The following SCIN variants were observed in gnomAD, a reference collection of about 807,000 sequenced individuals.
The protein encoded by SCIN is adseverin.
In SCIN, 91 loss-of-function variants were observed where a neutral mutation model predicts 91.8. The observed-to-expected ratio is 0.99, with a 90% confidence interval of 0.84 to 1.18. The LOEUF (loss-of-function observed/expected upper bound fraction) is 1.18. Among genes scored for constraint, SCIN ranks in the 50% most tolerant of loss-of-function variants. The probability of loss-of-function intolerance (pLI) is 0.00; values close to 1 mark genes in which losing one functional copy is unlikely to be tolerated. For synonymous variants in SCIN, 367 were observed against 312.6 expected (o/e 1.17, Z -1.84); for missense variants, 1,087 against 863.9 (o/e 1.26, Z -3.24).
intron 13 of SCIN, among the ~76,000 whole-genome samples, chr7:12,648,285 C>G (rs1000208340): frequency 2.1e-5 from 3 of 144,270 alleles, no homozygotes; most frequent in Non-Finnish European, 4.6e-5. Flanking sequence ...TTGACTTTTT[C>G]TCTCTCTCTC....
chr7:12,605,354 A>G (rs1319447332), intron 4 of SCIN, among the ~76,000 whole-genome samples: 1 of 152,064 alleles, frequency 6.6e-6, no homozygotes, highest in African/African-American at 2.4e-5. Flanking sequence ...CGGCCTTCTC[A>G]GGGTTTTTTT....
chr7:12,581,858 C>T (rs1261152448), intron 3 of SCIN, among the ~76,000 whole-genome samples: 2 of 152,106 alleles, frequency 1.3e-5, no homozygotes, highest in Non-Finnish European at 2.9e-5. Flanking sequence ...CTTTGCTAGA[C>T]CCTAGAAGGT....
In SCIN at chr7:12,660,118, ACT is replaced by A. The variant is rs1784233512; in HGVS notation, c.*7408_*7409del. 1.3e-5 allele frequency: 2 copies of A among 152,176 alleles called. No individual in the cohort carries two copies. Among genetic ancestry groups the A allele is most frequent in the African/African-American group, 4.8e-5 (2 of 41,350 alleles). 9.4% of individuals were successfully genotyped at this position (152,176 alleles called of 1,614,324 possible). On this transcript the variant is annotated 3_prime_UTR_variant, in exon 16 of 16. Coordinates refer to ENST00000297029, the MANE Select transcript of SCIN (RefSeq NM_001112706.3). The stretch of plus-strand genomic sequence containing the variant: ...ATGATAATCCCACCACCCTTTGCTG[ACT>A]CTCTTTTCGGACTCAGCCCGCCTGC...
chr7:12,600,721 G>C (rs1782940327), intron 3 of SCIN, among the ~76,000 whole-genome samples: 2 of 152,102 alleles, frequency 1.3e-5, no homozygotes, highest in Admixed American at 1.3e-4. Context: ...CATCACACTT[G>C]GCACACACTG....
At chr7:12,574,157 A>G (rs1782323416) in intron 1 of SCIN, among the ~76,000 whole-genome samples, 1 of 152,196 alleles carries the variant, frequency 6.6e-6, no homozygotes, top group African/African-American at 2.4e-5. Context: ...ATGCTTTTCA[A>G]CAGGTGACTG....
At chr7:12,594,283 G>A (rs117960888) in intron 3 of SCIN, among the ~76,000 whole-genome samples, 4,779 of 152,064 alleles carry the variant, frequency 0.031, 121 homozygotes, top group Non-Finnish European at 0.049. Flanking sequence ...GAAAATCCAC[G>A]GGGTCAAAGG....
intron 4 of SCIN, among the ~76,000 whole-genome samples, chr7:12,614,887 A>G (rs938396236): frequency 6.6e-6 from 1 of 152,208 alleles, no homozygotes; most frequent in Non-Finnish European, 1.5e-5. Context: ...TTAGAGCTTT[A>G]AGACACTATC....
rs1782414429 is a variant in SCIN at position 12,578,162 on chromosome 7, C to G, written c.298C>G (p.Gln100Glu). 6.4e-7 allele frequency: 1 copy of G among 1,550,964 alleles called. No individual in the cohort carries two copies. The highest frequency in any genetic ancestry group is 8.7e-7 in the Non-Finnish European group (1 of 1,146,592). Residue 100 changes from glutamine (Q) to glutamate (E), a missense_variant, in exon 2 of 16, where the codon CAA becomes GAA. By Grantham distance (29) the Gln-to-Glu change is conservative. Coordinates refer to ENST00000297029, the MANE Select transcript of SCIN (RefSeq NM_001112706.3). ...CAAGCCAGTGCAGAATAGAGAACTT[C>G]AAGGATATGAGTCTAATGACTTTGT... is the stretch of plus-strand genomic sequence containing the variant. ...GGKPVQNRELQGYESNDFVSY... is the reference protein window; with the variant it reads ...GGKPVQNRELEGYESNDFVSY...
At chr7:12,617,204 G>C (rs1309624519) in intron 4 of SCIN, among the ~76,000 whole-genome samples, 2 of 152,092 alleles carry the variant, frequency 1.3e-5, no homozygotes, top group African/African-American at 4.8e-5. Flanking sequence ...ATATGTAAAG[G>C]TGAAGAAAGG....
chr7:12,600,978 A>G (rs1368201760), intron 3 of SCIN, among the ~76,000 whole-genome samples: 3 of 152,184 alleles, frequency 2.0e-5, no homozygotes, highest in Admixed American at 6.5e-5. Context: ...TCATATTCCA[A>G]TGCCCAGATG....
At chr7:12,580,476 T>C (rs1478712318) in intron 2 of SCIN, among the ~76,000 whole-genome samples, 1 of 152,180 alleles carries the variant, frequency 6.6e-6, no homozygotes, top group Non-Finnish European at 1.5e-5. Context: ...AGCATATTTA[T>C]TAATAGTAAG....
chr7:12,627,702 C>T (rs1332722246), intron 8 of SCIN, among the ~76,000 whole-genome samples: 2 of 152,170 alleles, frequency 1.3e-5, no homozygotes, highest in East Asian at 3.9e-4. Flanking sequence ...TCCCTCATGG[C>T]TGTTGTCAGA....
intron 4 of SCIN, among the ~76,000 whole-genome samples, chr7:12,611,460 T>G (rs1219011420): frequency 2.0e-5 from 3 of 152,296 alleles, no homozygotes; most frequent in Admixed American, 6.5e-5. Flanking sequence ...TTTACTAGAC[T>G]TACATGGGTT....
Position 12,625,781 on chromosome 7 carries a change from A to T in SCIN, c.912A>T (p.Gln304His). The change falls in exon 7 of 16, where the codon CAA (glutamine) becomes CAT (histidine). Residue 304 changes from glutamine to histidine, a missense_variant. Transcript: ENST00000297029. ...FVWKGKDANP[Q>H]ERKAAMKTAE... The stretch of plus-strand genomic sequence containing the variant: ...TTTTAGGTAAAGATGCTAATCCCCA[A>T]GAGAGGAAGGCTGCAATGAAGACAG... 6.2e-7 allele frequency: 1 copy of T among 1,611,740 alleles called. No individual in the cohort carries two copies. Among genetic ancestry groups the T allele is most frequent in the Non-Finnish European group, 8.5e-7 (1 of 1,178,364 alleles).
At chr7:12,599,561 G>C (rs1782915729) in intron 3 of SCIN, among the ~76,000 whole-genome samples, 1 of 152,142 alleles carries the variant, frequency 6.6e-6, no homozygotes, top group Admixed American at 6.5e-5. Flanking sequence ...GGATCAAACA[G>C]TAGATCTACT....
intron 3 of SCIN, among the ~76,000 whole-genome samples, chr7:12,587,013 G>A (rs1129315): frequency 6.6e-6 from 1 of 151,884 alleles, no homozygotes; most frequent in Admixed American, 6.6e-5. Context: ...TTCTACTGTT[G>A]TATAGTGCTA....
At chr7:12,576,728 TATG>T (rs1782379871) in intron 1 of SCIN, among the ~76,000 whole-genome samples, 1 of 101,898 alleles carries the variant, frequency 9.8e-6, no homozygotes, top group Non-Finnish European at 2.1e-5. Context: ...AAAGTTGCTT[TATG>T]ACCTCAGAAA....
intron 1 of SCIN, among the ~76,000 whole-genome samples, chr7:12,577,110 T>A (rs1056723866): frequency 1.6e-4 from 25 of 152,316 alleles, no homozygotes; most frequent in African/African-American, 6.0e-4. Context: ...ATTAAATGTA[T>A]GTTGTATGTA....
rs71030521 is a variant in SCIN at position 12,657,572 on chromosome 7, A to ATT, written c.*4882_*4883dup. 1.9e-3 allele frequency: 41 copies of ATT among 22,078 alleles called. No individual in the cohort carries two copies. Among genetic ancestry groups the ATT allele is most frequent in the Non-Finnish European group, 3.2e-3 (25 of 7,722 alleles). The allele number at this position is 22,078 out of a possible 1,614,324, so 1.4% of individuals were successfully genotyped here. On this transcript the variant is annotated 3_prime_UTR_variant, in exon 16 of 16. Coordinates refer to ENST00000297029, the MANE Select transcript of SCIN (RefSeq NM_001112706.3). ...TATATATATATATATATATATATAT[A>ATT]TTTTTTTTTTTTTTTTTTTTTTTTT...
Sources: allele counts gnomAD v4.1 joint callset (sites outside exome capture counted in the v4.1 genomes callset), GRCh38; gene constraint gnomAD v4.1.1; transcripts MANE v1.5; gene names NCBI Gene and HGNC (gene_info 2026-07-23, HGNC 2026-07-21).